Variants in SLC22A4 observed in about 807,000 individuals in gnomAD.
SLC22A4 encodes solute carrier family 22 member 4.
In SLC22A4, 39 loss-of-function variants were observed where a neutral mutation model predicts 56.6. The ratio of observed to expected loss-of-function variants is 0.69; its 90% CI spans 0.53 to 0.90. The LOEUF (loss-of-function observed/expected upper bound fraction) is 0.90, where lower values mean the gene tolerates loss of function less well. Among genes scored for constraint, SLC22A4 ranks in the 40% least tolerant of loss-of-function variants. SLC22A4 has a pLI of 0.00. For missense variants in SLC22A4, 594 were observed against 696.5 expected, an observed-to-expected ratio of 0.85 and a Z score of 1.66; for synonymous variants, 241 against 281.4, an observed-to-expected ratio of 0.86 and a Z score of 1.44.
At chr5:132,312,054 G>T (rs1750194689) in intron 1 of SLC22A4, 107 bp from the exon 2 acceptor site, 1 of 792,394 alleles carries the variant, frequency 1.3e-6, no homozygotes, top group South Asian at 1.3e-5. Flanking sequence ...CCTGGCCCAG[G>T]GGAGGAGAGT....
intron 4 of SLC22A4, among the ~76,000 whole-genome samples, chr5:132,323,496 A>T (rs1211397303): frequency 1.3e-5 from 2 of 152,216 alleles, no homozygotes; most frequent in Non-Finnish European, 2.9e-5. Context: ...ATTGGCATGA[A>T]GTGTGCAGGG....
At chr5:132,328,903 G>GTGTGTATATATATA (rs1180080096) in intron 5 of SLC22A4, among the ~76,000 whole-genome samples, 13 of 96,442 alleles carry the variant, frequency 1.3e-4, no homozygotes, top group African/African-American at 6.4e-4. Context: ...GTGTGTATGT[G>GTGTGTATATATATA]TATATATATA....
At chr5:132,330,050 G>A (rs1471008295) in intron 5 of SLC22A4, among the ~76,000 whole-genome samples, 2 of 152,208 alleles carry the variant, frequency 1.3e-5, no homozygotes, top group African/African-American at 4.8e-5. Context: ...TTTATGCAGT[G>A]GCTTTGCTTT....
At chr5:132,322,414 A>C in intron 4 of SLC22A4, 59 bp downstream of exon 4, 1 of 1,526,796 alleles carries the variant, frequency 6.5e-7, no homozygotes, top group South Asian at 1.1e-5. Flanking sequence ...CCTGGAACAC[A>C]CCTGGAGCCT....
intron 3 of SLC22A4, among the ~76,000 whole-genome samples, chr5:132,316,642 A>T (rs1750366951): frequency 6.6e-6 from 1 of 152,224 alleles, no homozygotes; most frequent in Non-Finnish European, 1.5e-5. Context: ...TTCTTTGGGC[A>T]TGCTGAACCA....
At chr5:132,296,243 T>C (rs553669529) in intron 1 of SLC22A4, among the ~76,000 whole-genome samples, 4 of 152,294 alleles carry the variant, frequency 2.6e-5, no homozygotes, top group Admixed American at 2.6e-4. Flanking sequence ...ATTCAGGTAA[T>C]GGAATTCTCA....
intron 1 of SLC22A4, among the ~76,000 whole-genome samples, chr5:132,301,841 C>T (rs1280729031): frequency 6.6e-6 from 1 of 152,210 alleles, no homozygotes; most frequent in African/African-American, 2.4e-5. Flanking sequence ...ATCAGGCCTG[C>T]AGGCTGCCCT....
At chr5:132,308,187 C>T (rs1033434108) in intron 1 of SLC22A4, among the ~76,000 whole-genome samples, 2 of 152,070 alleles carry the variant, frequency 1.3e-5, no homozygotes, top group Admixed American at 1.3e-4. Context: ...GGTGAAGTGG[C>T]CCAGAACAGC....
chr5:132,305,739 A>C (rs1318075699), intron 1 of SLC22A4, among the ~76,000 whole-genome samples: 1 of 152,236 alleles, frequency 6.6e-6, no homozygotes, highest in East Asian at 1.9e-4. Flanking sequence ...TCAAAAATAC[A>C]CAAAACTTGA....
Position 132,313,636 on chromosome 5 carries a change from T to C in SLC22A4, c.520T>C (p.Phe174Leu). The C allele has an allele frequency of 6.2e-7, 1 of 1,614,274 alleles. No individual in the cohort carries two copies. Among genetic ancestry groups the C allele is most frequent in the Non-Finnish European group, 8.5e-7 (1 of 1,180,050 alleles). Residue 174 changes from phenylalanine to leucine, a missense_variant, in exon 3 of 10, where the codon TTC (phenylalanine) becomes CTC (leucine). Physicochemically the swap from Phe to Leu is conservative, Grantham distance 22. Coordinates refer to ENST00000200652, the MANE Select transcript of SLC22A4 (RefSeq NM_003059.3). ...SDRFGRKNVL[F>L]ATMAVQTGFS... ...TAGGTTTGGCAGGAAGAACGTTCTC[T>C]TCGCAACCATGGCTGTACAGACTGG...
intron 3 of SLC22A4, among the ~76,000 whole-genome samples, chr5:132,319,064 G>T (rs1040521087): frequency 6.6e-6 from 1 of 152,120 alleles, no homozygotes; most frequent in Non-Finnish European, 1.5e-5. Flanking sequence ...TCTGAAAGGG[G>T]GATAAGGTGG....
chr5:132,325,552 G>A (rs752605831), intron 4 of SLC22A4, among the ~76,000 whole-genome samples: 1 of 152,124 alleles, frequency 6.6e-6, no homozygotes, highest in African/African-American at 2.4e-5. Flanking sequence ...AGCTGGAGAG[G>A]GGACCTGCTG....
intron 3 of SLC22A4, among the ~76,000 whole-genome samples, chr5:132,317,495 C>T (rs1750396288): frequency 6.6e-6 from 1 of 152,240 alleles, no homozygotes. Flanking sequence ...CATGTTGTAA[C>T]ATGAATTAGT....
rs1750765332 is a variant in SLC22A4, at chr5:132,328,854, C to T, written c.951+1451C>T. On this transcript the variant is annotated intron_variant, in intron 5 of 9. Coordinates refer to ENST00000200652, the MANE Select transcript of SLC22A4 (RefSeq NM_003059.3). ...ATATATATATACACACACACACACA[C>T]ACACACACACACACGCATATATAAA... 2.6e-5 allele frequency among the ~76,000 whole-genome samples: 4 copies of T among 151,230 alleles called. No individual in the cohort carries two copies. The East Asian group carries it at 7.8e-4, about 29-fold the overall frequency.
At chr5:132,317,541 C>T (rs910451058) in intron 3 of SLC22A4, among the ~76,000 whole-genome samples, 6 of 152,198 alleles carry the variant, frequency 3.9e-5, no homozygotes, top group Non-Finnish European at 2.9e-5. Context: ...TTCGGTCATC[C>T]ATTCATCAGT....
At chr5:132,308,593 T>C (rs1750102470) in intron 1 of SLC22A4, among the ~76,000 whole-genome samples, 1 of 151,944 alleles carries the variant, frequency 6.6e-6, no homozygotes, top group Non-Finnish European at 1.5e-5. Context: ...CCCTTTACTA[T>C]AGGGAGCCAT....
chr5:132,304,573 T>A (rs1277312497), intron 1 of SLC22A4, among the ~76,000 whole-genome samples: 1 of 152,040 alleles, frequency 6.6e-6, no homozygotes, highest in Non-Finnish European at 1.5e-5. Context: ...GCCGAGATCA[T>A]GCCACTGTAC....
intron 3 of SLC22A4, among the ~76,000 whole-genome samples, chr5:132,318,446 C>T (rs1750428724): frequency 6.6e-6 from 1 of 152,178 alleles, no homozygotes; most frequent in Non-Finnish European, 1.5e-5. Flanking sequence ...ATGGAGGACA[C>T]TCCTAGCCCA....
intron 9 of SLC22A4, among the ~76,000 whole-genome samples, chr5:132,343,000 G>A (rs1392304587): frequency 6.6e-6 from 1 of 152,148 alleles, no homozygotes; most frequent in Non-Finnish European, 1.5e-5. Context: ...GTCTTCTGGT[G>A]ACCAGCCCCC....
Sources: gnomAD v4.1 joint callset for allele counts (sites outside exome capture counted in the v4.1 genomes callset) on GRCh38, gnomAD v4.1.1 for gene constraint, MANE v1.5 for transcripts, NCBI Gene and HGNC (gene_info 2026-07-23, HGNC 2026-07-21) for gene names.